The following TMEM178B variants were observed in gnomAD, a reference collection of about 807,000 sequenced individuals.
TMEM178B encodes transmembrane protein 178B.
A neutral mutation model predicts 31.0 loss-of-function variants in TMEM178B; 5 were observed. The ratio of observed to expected loss-of-function variants is 0.16; its 90% confidence interval spans 0.08 to 0.34. TMEM178B has a LOEUF of 0.34. Among genes scored for constraint, TMEM178B ranks in the 10% least tolerant of loss-of-function variants. The pLI is 1.00. For missense variants in TMEM178B, 275 were observed against 400.3 expected (o/e 0.69, Z 2.67); for synonymous variants, 164 against 164.0 (o/e 1.00, Z 0.00).
At chr7:141,279,294 G>T (rs1357455724) in intron 2 of TMEM178B, among the ~76,000 whole-genome samples, 1 of 152,158 alleles carries the variant, frequency 6.6e-6, no homozygotes, top group Non-Finnish European at 1.5e-5. Flanking sequence ...TTCTGAGATT[G>T]TGTGTTTCAG....
intron 2 of TMEM178B, among the ~76,000 whole-genome samples, chr7:141,338,752 G>A (rs1799467813): frequency 6.6e-6 from 1 of 152,186 alleles, no homozygotes; most frequent in Admixed American, 6.5e-5. Flanking sequence ...GGTATGCAGA[G>A]GGTATGGCAG....
At chr7:141,493,224 A>G in the TMEM178B span, among the ~76,000 whole-genome samples, 1 of 152,204 alleles carries the variant, frequency 6.6e-6, no homozygotes, top group East Asian at 1.9e-4. Context: ...ACCCTCAGGA[A>G]GAAGCAGACT....
chr7:141,315,227 C>T (rs1798980053), intron 2 of TMEM178B, among the ~76,000 whole-genome samples: 1 of 152,222 alleles, frequency 6.6e-6, no homozygotes. Context: ...TTCTGTTGCA[C>T]CTCTGTCAGA....
chr7:141,277,153 A>G (rs960030996), intron 2 of TMEM178B, among the ~76,000 whole-genome samples: 2 of 152,138 alleles, frequency 1.3e-5, no homozygotes, highest in Non-Finnish European at 2.9e-5. Context: ...AATCAACTTT[A>G]CTGTATAAAG....
At chr7:141,432,830 GC>G (rs945996561) in intron 2 of TMEM178B, among the ~76,000 whole-genome samples, 3 of 152,282 alleles carry the variant, frequency 2.0e-5, no homozygotes, top group African/African-American at 7.2e-5. Context: ...ATGCCTGCGG[GC>G]ACTGAGTGAA....
At position 141,123,021 on chromosome 7, in the gene TMEM178B, G is replaced by C. The variant is rs116431710; in HGVS notation, c.382+48329G>C. Among the ~76,000 whole-genome samples, 399 of 152,346 alleles carry C rather than the reference G, an allele frequency of 2.6e-3. 1 individual carries two copies. The highest frequency in any genetic ancestry group is 9.0e-3 in the African/African-American group (376 of 41,574). On this transcript the variant is annotated intron_variant, in intron 1 of 3. Coordinates refer to ENST00000565468, the MANE Select transcript of TMEM178B (RefSeq NM_001195278.2). ...GAATTTCAGTCCAGTTCTACACTCT[G>C]TGTTATGCCTGACATTCTGAGGCTG... is the stretch of plus-strand genomic sequence containing the variant.
chr7:141,159,560 G>A (rs780857525), intron 1 of TMEM178B, among the ~76,000 whole-genome samples: 4 of 151,936 alleles, frequency 2.6e-5, no homozygotes, highest in Non-Finnish European at 5.9e-5. Context: ...CGTGTTCACC[G>A]ACAGACAAAT....
intron 3 of TMEM178B, among the ~76,000 whole-genome samples, chr7:141,465,977 T>C (rs933389308): frequency 1.3e-5 from 2 of 152,184 alleles, no homozygotes; most frequent in Non-Finnish European, 2.9e-5. Context: ...GAGCTATGAT[T>C]GTACCACTGC....
chr7:141,421,814 T>A (rs1361775867), intron 2 of TMEM178B, among the ~76,000 whole-genome samples: 13 of 152,116 alleles, frequency 8.5e-5, no homozygotes, highest in Non-Finnish European at 1.9e-4. Flanking sequence ...TGTAAACAAT[T>A]TATTTAAAAG....
At chr7:141,134,305 A>G (rs1404931185) in intron 1 of TMEM178B, among the ~76,000 whole-genome samples, 1 of 152,088 alleles carries the variant, frequency 6.6e-6, no homozygotes, top group Non-Finnish European at 1.5e-5. Flanking sequence ...AAAGGGGGGA[A>G]AAAAAAGAAA....
chr7:141,160,841 C>T (rs1796157586), intron 1 of TMEM178B, among the ~76,000 whole-genome samples: 1 of 152,112 alleles, frequency 6.6e-6, no homozygotes, highest in Admixed American at 6.6e-5. Context: ...AAATTCAACA[C>T]ATTTTTATTG....
chr7:141,409,048 A>C (rs955185385), intron 2 of TMEM178B, among the ~76,000 whole-genome samples: 1 of 152,248 alleles, frequency 6.6e-6, no homozygotes. Flanking sequence ...CTTGACTTGC[A>C]TATCAGAAGA....
At chr7:141,225,917 C>T (rs1797334397) in intron 2 of TMEM178B, among the ~76,000 whole-genome samples, 1 of 152,160 alleles carries the variant, frequency 6.6e-6, no homozygotes, top group African/African-American at 2.4e-5. Flanking sequence ...AGTCTCAGTT[C>T]ACGTTGGTAA....
chr7:141,479,741 G>A lies in TMEM178B; in HGVS notation c.*8955G>A, dbSNP rs1802440589. 1 of 152,124 alleles carries A rather than the reference G, an allele frequency of 6.6e-6. No homozygotes were observed. Among genetic ancestry groups the A allele is most frequent in the African/African-American group, 2.4e-5 (1 of 41,422 alleles). 9.4% of individuals were successfully genotyped at this position (152,124 alleles called of 1,614,324 possible). On this transcript the variant is annotated 3_prime_UTR_variant, in exon 4 of 4. Coordinates refer to ENST00000565468, the MANE Select transcript of TMEM178B (RefSeq NM_001195278.2). Reference sequence around the variant, plus strand: ...CTGACAAAACTCTCAAACGCCTGGAGTGTTTATGGCCCACCAGATTATTGC... The same window carrying A: ...CTGACAAAACTCTCAAACGCCTGGAATGTTTATGGCCCACCAGATTATTGC...
intron 2 of TMEM178B, among the ~76,000 whole-genome samples, chr7:141,375,954 G>C (rs1259446709): frequency 6.6e-6 from 1 of 152,240 alleles, no homozygotes; most frequent in Non-Finnish European, 1.5e-5. Context: ...TAGCCCCAGA[G>C]CTGGCAACCT....
At chr7:141,415,693 G>T (rs911651855) in intron 2 of TMEM178B, among the ~76,000 whole-genome samples, 2 of 152,156 alleles carry the variant, frequency 1.3e-5, no homozygotes, top group Non-Finnish European at 2.9e-5. Flanking sequence ...GAGATTTGGG[G>T]GACAGACAGA....
chr7:141,091,114 A>T (rs542319517), intron 1 of TMEM178B, among the ~76,000 whole-genome samples: 30 of 152,204 alleles, frequency 2.0e-4, no homozygotes, highest in Non-Finnish European at 3.7e-4. Context: ...GATTTATATT[A>T]GGAGTTAATT....
intron 2 of TMEM178B, among the ~76,000 whole-genome samples, chr7:141,251,042 A>G (rs975444684): frequency 3.3e-5 from 5 of 152,144 alleles, no homozygotes; most frequent in African/African-American, 1.2e-4. Flanking sequence ...GCTCCAATGT[A>G]CCTAAAACAC....
chr7:141,264,734 A>G (rs1272010086), intron 2 of TMEM178B, among the ~76,000 whole-genome samples: 1 of 152,238 alleles, frequency 6.6e-6, no homozygotes, highest in Non-Finnish European at 1.5e-5. Context: ...AAAAGGCAAG[A>G]TGAATTAAGG....
Sources: allele counts gnomAD v4.1 joint callset (sites outside exome capture counted in the v4.1 genomes callset), GRCh38; gene constraint gnomAD v4.1.1; transcripts MANE v1.5; gene names NCBI Gene and HGNC (gene_info 2026-07-23, HGNC 2026-07-21).